METTL27: variants seen among roughly 807,000 people sequenced by gnomAD.
METTL27 encodes the protein methyltransferase-like protein 27.
METTL27 carries 29 observed loss-of-function variants against 24.5 expected under a neutral mutation model. The ratio of observed to expected loss-of-function variants is 1.18; its 90% CI spans 0.88 to 1.61. The LOEUF (loss-of-function observed/expected upper bound fraction) is 1.61. METTL27 is among the 40% of genes most tolerant of loss of function. The pLI is 0.00. For synonymous variants in METTL27, 138 were observed against 146.8 expected (o/e 0.94, Z 0.43); for missense variants, 341 against 324.3 (o/e 1.05, Z -0.40).
intron 5 of METTL27, among the ~76,000 whole-genome samples, chr7:73,835,630 G>A (rs1378362055): frequency 5.9e-4 from 84 of 142,068 alleles, no homozygotes; most frequent in African/African-American, 2.0e-3. Context: ...CTGCCCGGCC[G>A]CCACCCCGTC....
At chr7:73,837,837 G>A (rs1230295126) in intron 5 of METTL27, among the ~76,000 whole-genome samples, 2 of 151,970 alleles carry the variant, frequency 1.3e-5, no homozygotes, top group African/African-American at 4.8e-5. Flanking sequence ...GAGCCACTGT[G>A]CCTGCCCACC....
In METTL27 at chr7:73,834,794, C is replaced by G; in HGVS notation, c.687G>C (p.Pro229=). The G allele has an allele frequency of 1.2e-6, 2 of 1,614,148 alleles. No individual in the cohort carries two copies. Among genetic ancestry groups the G allele is most frequent in the Non-Finnish European group, 1.7e-6 (2 of 1,180,036 alleles). Residue 229 remains proline, a synonymous_variant, in exon 6 of 6, where the codon CCG becomes CCC. Transcript: ENST00000297873. ...CACTTTCGGTACAGGTAGACAATGC[C>G]GGAGATGAAGCCATCCTTGGCAGAG... ...PASLPRMASS[P]ALSTCTESGR... is the part of the protein sequence containing the mutation.
chr7:73,842,348 A>G, intron 1 of METTL27, 142 bp downstream of exon 1: 1 of 802,772 alleles, frequency 1.2e-6, no homozygotes, highest in Non-Finnish European at 1.8e-6. Context: ...GGCTGGGGGA[A>G]GGGCAAGGTG....
chr7:73,840,180 T>C (rs1788311484), intron 4 of METTL27, 60 bp from the exon 5 acceptor site: 5 of 1,547,188 alleles, frequency 3.2e-6, no homozygotes, highest in Non-Finnish European at 4.4e-6. Context: ...ACTTTGTCTA[T>C]GGTGTGGCCT....
intron 1 of METTL27, 112 bp from the exon 2 acceptor site, chr7:73,842,256 A>C: frequency 1.4e-6 from 2 of 1,465,106 alleles, no homozygotes; most frequent in South Asian, 2.8e-5. Context: ...TGCCAGCGCG[A>C]CCCCTATCCC....
chr7:73,836,229 GGGGCA>G (rs1788188686), intron 5 of METTL27, among the ~76,000 whole-genome samples: 3 of 86,380 alleles, frequency 3.5e-5, no homozygotes, highest in Non-Finnish European at 8.2e-5. Flanking sequence ...GAGGGAGGTG[GGGGCA>G]TCAGCCCCCC....
Position 73,841,127 on chromosome 7 carries a change from C to A in METTL27, c.195G>T (p.Pro65=), listed in dbSNP as rs146190258. 72 of 1,535,882 alleles carry A rather than the reference C, an allele frequency of 4.7e-5. 1 individual carries two copies. The East Asian group carries it at 1.3e-3, about 27-fold the overall frequency. ...CGTCCAGGATCAGGGCACTGTGGGG[C>A]GGGCCTGGAAGGGCTTGTGTGAGGC... The part of the protein sequence containing the change: ...VDCLTQALPG[P]PHSALILDVA... The change falls in exon 3 of 6, where the codon CCG becomes CCT. Residue 65 remains proline (P), a synonymous_variant. Coordinates refer to ENST00000297873, the MANE Select transcript of METTL27 (RefSeq NM_152559.3).
Position 73,842,083 on chromosome 7 carries a change from G to T in METTL27, c.58C>A (p.His20Asn), listed in dbSNP as rs781885363. The T allele has an allele frequency of 1.4e-5, 23 of 1,613,888 alleles. 1 individual carries two copies. Among genetic ancestry groups the T allele is most frequent in the Non-Finnish European group, 1.9e-5 (22 of 1,179,990 alleles). The stretch of plus-strand genomic sequence containing the variant: ...TTTTGGGCCAGGTCGGGGATGCCAT[G>T]CGCGGCCCTGACCCGCGCCCGCACC... Reference protein sequence around the residue: ...PEVRARVRAAHGIPDLAQKLH... With the variant: ...PEVRARVRAANGIPDLAQKLH... The change falls in exon 2 of 6, where the codon CAT (histidine) becomes AAT (asparagine). Residue 20 changes from histidine (H) to asparagine (N), a missense_variant. Coordinates refer to ENST00000297873, the MANE Select transcript of METTL27 (RefSeq NM_152559.3).
At chr7:73,841,250 T>C (rs989197844) in intron 2 of METTL27, 52 bp from the exon 3 acceptor site, 5 of 1,536,324 alleles carry the variant, frequency 3.3e-6, no homozygotes, top group Admixed American at 2.3e-5. Context: ...GTTTGGGGGA[T>C]CTCCCTTATG....
At chr7:73,841,955 C>G in intron 2 of METTL27, 63 bp downstream of exon 2, 1 of 1,612,634 alleles carries the variant, frequency 6.2e-7, no homozygotes, top group Non-Finnish European at 8.5e-7. Context: ...AGGCTGATTC[C>G]CCACTTTACA....
chr7:73,841,925 C>T (rs1788371151), intron 2 of METTL27, 93 bp downstream of exon 2: 2 of 1,600,728 alleles, frequency 1.2e-6, no homozygotes, highest in Admixed American at 1.7e-5. Flanking sequence ...ACTTCGTCCT[C>T]ACAGCCGCCC....
At position 73,840,441 on chromosome 7, in the gene METTL27, C is replaced by T. The variant is rs1788319216; in HGVS notation, c.361G>A (p.Gly121Ser). The T allele has an allele frequency of 6.3e-7, 1 of 1,593,688 alleles. No individual in the cohort carries two copies. The highest frequency in any genetic ancestry group is 8.5e-7 in the Non-Finnish European group (1 of 1,170,836). ...LYQRLSLCTL[G>S]QEPLPSPEGT... The stretch of plus-strand genomic sequence containing the variant: ...TCCGGGCTGGGCAGAGGCTCCTGGC[C>T]CAGGGTGCAGAGGCTGAGGCGCTGA... Residue 121 changes from glycine to serine, a missense_variant, in exon 4 of 6, where the codon GGC (glycine) becomes AGC (serine). By Grantham distance (56) the Gly-to-Ser change is moderately conservative (BLOSUM62 0). Transcript: ENST00000297873.
chr7:73,837,946 C>T (rs1554635647), intron 5 of METTL27, among the ~76,000 whole-genome samples: 1 of 151,930 alleles, frequency 6.6e-6, no homozygotes, highest in African/African-American at 2.4e-5. Flanking sequence ...AACTCACGAG[C>T]TCAAGCAATC....
In METTL27 at chr7:73,834,631, G is replaced by T. The variant is rs989766698; in HGVS notation, c.*112C>A. The T allele has an allele frequency of 3.5e-6, 3 of 868,450 alleles. No individual in the cohort carries two copies. Among genetic ancestry groups the T allele is most frequent in the Admixed American group, 2.4e-5 (1 of 40,894 alleles). 53.8% of individuals were successfully genotyped at this position (868,450 alleles called of 1,614,324 possible). The stretch of plus-strand genomic sequence containing the variant: ...TTAATAGGCAGGGCATTTCTGAGGG[G>T]CAGGGTTGGTTCGGAGGTCCCATTT... On this transcript the variant is annotated 3_prime_UTR_variant, in exon 6 of 6. Transcript: ENST00000297873.
chr7:73,840,419 G>C lies in METTL27; in HGVS notation c.383C>G (p.Pro128Arg), dbSNP rs530654296. 48 of 1,577,616 alleles carry C rather than the reference G, an allele frequency of 3.0e-5. No homozygotes were observed. The highest frequency in any genetic ancestry group is 4.0e-5 in the Non-Finnish European group (47 of 1,162,224). ...CTLGQEPLPS[P>R]EGTFDAVLIV... The stretch of plus-strand genomic sequence containing the variant: ...GGAGGTGGGAGAGAAAGTACCTTCC[G>C]GGCTGGGCAGAGGCTCCTGGCCCAG... The change falls in exon 4 of 6, where the codon CCG becomes CGG. Residue 128 changes from proline (P) to arginine (R), a missense_variant. Transcript: ENST00000297873.
chr7:73,834,665 A>AGGCAGAGGAGGCCC lies in METTL27; in HGVS notation c.*64_*77dup. ...GTTCGGAGGTCCCATTTTACAGGGG[A>AGGCAGAGGAGGCCC]GGCAGAGGAGGCCCAGCAGATGGGC... On this transcript the variant is annotated 3_prime_UTR_variant, in exon 6 of 6. Coordinates refer to ENST00000297873, the MANE Select transcript of METTL27 (RefSeq NM_152559.3). The AGGCAGAGGAGGCCC allele has an allele frequency of 3.0e-6, 4 of 1,320,468 alleles. No homozygotes were observed. Among genetic ancestry groups the AGGCAGAGGAGGCCC allele is most frequent in the Non-Finnish European group, 4.2e-6 (4 of 950,050 alleles). 81.8% of individuals were successfully genotyped at this position (1,320,468 alleles called of 1,614,324 possible). A position where few individuals can be genotyped will look rare whatever the true frequency, so the allele number is the denominator to read the frequency against.
intron 5 of METTL27, among the ~76,000 whole-genome samples, chr7:73,838,867 A>G (rs1485292294): frequency 6.6e-6 from 1 of 152,024 alleles, no homozygotes; most frequent in African/African-American, 2.4e-5. Flanking sequence ...TACCTCTATG[A>G]TTTCCTGTCC....
intron 3 of METTL27, 45 bp from the exon 4 acceptor site, chr7:73,840,594 TTCCC>T: frequency 6.5e-7 from 1 of 1,529,222 alleles, no homozygotes; most frequent in Non-Finnish European, 8.8e-7. Context: ...CACCTGCCAC[TTCCC>T]GGCTGGGTCC....
chr7:73,837,589 T>A (rs1989670), intron 5 of METTL27, among the ~76,000 whole-genome samples: 98,388 of 151,528 alleles, frequency 0.65, 32,711 homozygotes, highest in Non-Finnish European at 0.74. Flanking sequence ...TTTGAGACCC[T>A]GTCTTGCTCT....
Sources: gnomAD v4.1 joint callset for allele counts (sites outside exome capture counted in the v4.1 genomes callset) on GRCh38, gnomAD v4.1.1 for gene constraint, MANE v1.5 for transcripts, NCBI Gene and HGNC (gene_info 2026-07-23, HGNC 2026-07-21) for gene names.